GLIS3: variants seen among roughly 807,000 people sequenced by gnomAD.
GLIS3 encodes GLIS family zinc finger 3, also known as zinc finger protein GLIS3.
A neutral mutation model predicts 78.6 loss-of-function variants in GLIS3; 53 were observed. That is an observed-to-expected ratio of 0.67 (90% CI 0.54 to 0.85). The LOEUF is 0.85. GLIS3 is among the 40% of genes least tolerant of loss of function. The probability of loss-of-function intolerance (pLI) is 0.00; values close to 1 mark genes in which losing one functional copy is unlikely to be tolerated. For missense variants in GLIS3, 1,703 were observed against 1,231.1 expected, an observed-to-expected ratio of 1.38 and a Z score of -5.74; for synonymous variants, 684 against 509.9, an observed-to-expected ratio of 1.34 and a Z score of -4.60.
At chr9:4,126,654 G>C (rs1832605834) in intron 2 of GLIS3, among the ~76,000 whole-genome samples, 1 of 152,214 alleles carries the variant, frequency 6.6e-6, no homozygotes, top group African/African-American at 2.4e-5. Flanking sequence ...AAGAATCTGT[G>C]TCGTTATGGA....
At chr9:4,472,985 T>A in the GLIS3 span, among the ~76,000 whole-genome samples, 1 of 152,192 alleles carries the variant, frequency 6.6e-6, no homozygotes. Context: ...AGTAATGGGA[T>A]TGCTGAGTCT....
the GLIS3 span, among the ~76,000 whole-genome samples, chr9:4,484,368 G>C: frequency 6.9e-6 from 1 of 145,654 alleles, no homozygotes; most frequent in African/African-American, 2.6e-5. Context: ...CTCCCGAGTA[G>C]CTGGGACCAC....
At chr9:4,350,277 C>T (rs1425015107), upstream of GLIS3, among the ~76,000 whole-genome samples, 2 of 152,086 alleles carry the variant, frequency 1.3e-5, no homozygotes, top group African/African-American at 4.8e-5. Flanking sequence ...AGGGAATAGG[C>T]GGAAATGTGA....
At chr9:4,347,735 G>GTT (rs146978879) in intron 1 of GLIS3, among the ~76,000 whole-genome samples, 1 of 151,208 alleles carries the variant, frequency 6.6e-6, no homozygotes, top group South Asian at 2.1e-4. Flanking sequence ...TTTTTTTGAG[G>GTT]TTTTTTTTTG....
At chr9:4,167,893 T>C (rs1816014390) in intron 2 of GLIS3, among the ~76,000 whole-genome samples, 1 of 152,160 alleles carries the variant, frequency 6.6e-6, no homozygotes, top group African/African-American at 2.4e-5. Flanking sequence ...CCACTTTCGG[T>C]CTGATTACTC....
At chr9:4,461,740 C>A in the GLIS3 span, among the ~76,000 whole-genome samples, 1 of 152,146 alleles carries the variant, frequency 6.6e-6, no homozygotes. Flanking sequence ...TTCCCTCACC[C>A]AATATCAGCA....
chr9:3,971,202 C>A (rs1431244118), intron 4 of GLIS3, among the ~76,000 whole-genome samples: 2 of 152,160 alleles, frequency 1.3e-5, no homozygotes, highest in Admixed American at 1.3e-4. Flanking sequence ...ATGTCACCCA[C>A]CCCTCTCAAA....
rs145983872 is a variant in GLIS3 at position 3,885,194 on chromosome 9, T to C, written c.2129-5599A>G. 3.9e-5 allele frequency among the ~76,000 whole-genome samples: 6 copies of C among 152,338 alleles called. No homozygotes were observed. The South Asian group carries it at 6.2e-4, about 16-fold the overall frequency. On this transcript the variant is annotated intron_variant, in intron 7 of 10. Transcript: ENST00000381971. ...AGATTTCAGATACTTGCTAGAGGCA[T>C]ATTGATCCACTGCTAGGAAAAGAAG...
At chr9:4,393,450 C>T in the GLIS3 span, among the ~76,000 whole-genome samples, 35 of 152,274 alleles carry the variant, frequency 2.3e-4, no homozygotes, top group Non-Finnish European at 4.1e-4. Context: ...ATTAGCTAAT[C>T]CACGTTCCAT....
At chr9:4,224,841 G>T (rs1398187535) in intron 2 of GLIS3, among the ~76,000 whole-genome samples, 7 of 151,062 alleles carry the variant, frequency 4.6e-5, no homozygotes, top group Non-Finnish European at 1.0e-4. Flanking sequence ...CATTCTTTTA[G>T]TGACTTGCAC....
intron 2 of GLIS3, among the ~76,000 whole-genome samples, chr9:4,276,702 C>G (rs1394081253): frequency 1.3e-5 from 2 of 152,080 alleles, no homozygotes; most frequent in Non-Finnish European, 2.9e-5. Context: ...GACTGAAACC[C>G]CCTTTTATAA....
intron 4 of GLIS3, among the ~76,000 whole-genome samples, chr9:4,056,953 A>G (rs10974305): frequency 0.25 from 34,899 of 141,824 alleles, 5,123 homozygotes; most frequent in South Asian, 0.44. Context: ...CACAATAATC[A>G]TCTAAATTTA....
chr9:4,352,783 AT>A (rs1817990874), upstream of GLIS3, among the ~76,000 whole-genome samples: 1 of 152,242 alleles, frequency 6.6e-6, no homozygotes, highest in East Asian at 1.9e-4. Flanking sequence ...AAAATACAGA[AT>A]TGGTCATAAA....
At chr9:3,865,775 G>A (rs1205515482) in intron 8 of GLIS3, among the ~76,000 whole-genome samples, 1 of 152,174 alleles carries the variant, frequency 6.6e-6, no homozygotes. Flanking sequence ...GGTTGATTTG[G>A]CTTTTGGAGG....
chr9:3,912,453 C>T (rs181924972), intron 6 of GLIS3, among the ~76,000 whole-genome samples: 153 of 152,192 alleles, frequency 1.0e-3, no homozygotes, highest in Non-Finnish European at 1.2e-3. Context: ...TAGAACACTC[C>T]GGGAATGTTA....
At chr9:4,115,683 CATA>C (rs1456799052) in intron 4 of GLIS3, among the ~76,000 whole-genome samples, 6 of 152,052 alleles carry the variant, frequency 3.9e-5, no homozygotes, top group Middle Eastern at 6.8e-3. Flanking sequence ...ACACAATGCC[CATA>C]ATATGTATGT....
chr9:4,296,396 T>G (rs541885102), intron 1 of GLIS3, among the ~76,000 whole-genome samples: 1 of 152,232 alleles, frequency 6.6e-6, no homozygotes, highest in African/African-American at 2.4e-5. Flanking sequence ...ACAAAACGTT[T>G]TCTGGGTATT....
At chr9:4,377,598 A>T in the GLIS3 span, among the ~76,000 whole-genome samples, 6 of 77,932 alleles carry the variant, frequency 7.7e-5, no homozygotes, top group African/African-American at 2.3e-4. Flanking sequence ...ACCCTAATAC[A>T]GGGTAATAAT....
At chr9:4,176,636 A>C (rs1816835802) in intron 2 of GLIS3, among the ~76,000 whole-genome samples, 1 of 151,478 alleles carries the variant, frequency 6.6e-6, no homozygotes, top group Non-Finnish European at 1.5e-5. Flanking sequence ...CTCCTTTTTT[A>C]TCTTGAGACA....
Sources: allele counts gnomAD v4.1 joint callset (sites outside exome capture counted in the v4.1 genomes callset), GRCh38; gene constraint gnomAD v4.1.1; transcripts MANE v1.5; gene names NCBI Gene and HGNC (gene_info 2026-07-23, HGNC 2026-07-21).